Variants in COMMD1 observed in about 807,000 individuals in gnomAD.
COMMD1 encodes the protein COMM domain-containing protein 1.
COMMD1 carries 10 observed loss-of-function variants against 17.2 expected under a neutral mutation model. The ratio of observed to expected loss-of-function variants is 0.58; its 90% confidence interval spans 0.36 to 0.99. The LOEUF (loss-of-function observed/expected upper bound fraction) is 0.99. Among genes scored for constraint, COMMD1 ranks in the 50% least tolerant of loss-of-function variants. COMMD1 has a pLI of 0.01. For missense variants in COMMD1, 270 were observed against 231.8 expected (o/e 1.17, Z -1.07); for synonymous variants, 97 against 91.6 (o/e 1.06, Z -0.34).
At chr2:62,035,006 C>T (rs1181158817) in intron 2 of COMMD1, among the ~76,000 whole-genome samples, 1 of 152,132 alleles carries the variant, frequency 6.6e-6, no homozygotes, top group Non-Finnish European at 1.5e-5. Flanking sequence ...ATGTTTAATT[C>T]TTATGTTTCC....
At chr2:61,944,593 T>C (rs913708648) in intron 1 of COMMD1, among the ~76,000 whole-genome samples, 2 of 152,238 alleles carry the variant, frequency 1.3e-5, no homozygotes, top group South Asian at 2.1e-4. Context: ...CTCTTAACTT[T>C]GTAGCTCTCA....
upstream of COMMD1, among the ~76,000 whole-genome samples, chr2:61,903,591 C>A (rs1274126945): frequency 6.7e-6 from 1 of 149,588 alleles, no homozygotes; most frequent in East Asian, 2.0e-4. Flanking sequence ...TTGCTCTTGT[C>A]CCCAAGGCTA....
At position 62,102,760 on chromosome 2, in the gene COMMD1, G is replaced by A. The variant is rs536213533; in HGVS notation, c.463-33071G>A. Among the ~76,000 whole-genome samples, 8 of 152,202 alleles carry A rather than the reference G, an allele frequency of 5.3e-5. 1 individual carries two copies. The highest frequency in any genetic ancestry group is 1.9e-4 in the African/African-American group (8 of 41,504). On this transcript the variant is annotated intron_variant, in intron 2 of 2. Coordinates refer to ENST00000311832, the MANE Select transcript of COMMD1 (RefSeq NM_152516.4). ...CCCTCTGCCTTTGTGTGTAAAAACT[G>A]GCCATAAAGAAATTATCTGACCTCC...
intron 1 of COMMD1, among the ~76,000 whole-genome samples, chr2:61,976,206 A>G (rs1558544551): frequency 6.6e-6 from 1 of 151,954 alleles, no homozygotes; most frequent in Non-Finnish European, 1.5e-5. Context: ...ACTAAAAAAA[A>G]AAAAAGAAAA....
At chr2:62,132,232 C>A (rs1462985751) in intron 2 of COMMD1, among the ~76,000 whole-genome samples, 1 of 152,164 alleles carries the variant, frequency 6.6e-6, no homozygotes, top group East Asian at 1.9e-4. Flanking sequence ...TTTGGCATCC[C>A]TCAAAAATAA....
chr2:62,009,060 A>C (rs1573063877), intron 2 of COMMD1, among the ~76,000 whole-genome samples: 1 of 152,170 alleles, frequency 6.6e-6, no homozygotes, highest in African/African-American at 2.4e-5. Context: ...TTGGGATTAC[A>C]GGTGTGAGCC....
intron 1 of COMMD1, among the ~76,000 whole-genome samples, chr2:61,981,447 C>T (rs1671949780): frequency 6.6e-6 from 1 of 152,132 alleles, no homozygotes; most frequent in South Asian, 2.1e-4. Flanking sequence ...AAAATGAGTT[C>T]ACTGTACATG....
chr2:61,918,325 T>G (rs1670099666), intron 1 of COMMD1, among the ~76,000 whole-genome samples: 1 of 152,344 alleles, frequency 6.6e-6, no homozygotes, highest in East Asian at 1.9e-4. Flanking sequence ...TTTTGAGACT[T>G]TAGATGGTAA....
At chr2:61,989,234 G>A (rs763132947) in intron 1 of COMMD1, among the ~76,000 whole-genome samples, 1 of 152,110 alleles carries the variant, frequency 6.6e-6, no homozygotes, top group African/African-American at 2.4e-5. Context: ...GGCCTAGATG[G>A]TAATTTGTTA....
intron 2 of COMMD1, among the ~76,000 whole-genome samples, chr2:62,130,166 A>AC (rs1259467453): frequency 3.3e-5 from 5 of 151,676 alleles, no homozygotes; most frequent in African/African-American, 9.6e-5. Context: ...AAAAAAAAAA[A>AC]AAACAAACAA....
At chr2:61,962,507 G>T (rs1001581698) in intron 1 of COMMD1, among the ~76,000 whole-genome samples, 4 of 152,138 alleles carry the variant, frequency 2.6e-5, no homozygotes, top group African/African-American at 9.7e-5. Context: ...AGGAGTTGGG[G>T]CTTTCACCCA....
At chr2:62,005,669 G>A (rs2103817175) in intron 2 of COMMD1, among the ~76,000 whole-genome samples, 1 of 152,210 alleles carries the variant, frequency 6.6e-6, no homozygotes, top group African/African-American at 2.4e-5. Context: ...CAGTTAGAAT[G>A]GCAATCATTA....
chr2:61,919,088 C>T lies in COMMD1; in HGVS notation c.180+13230C>T, dbSNP rs927964046. Among the ~76,000 whole-genome samples, 10 of 151,974 alleles carry T rather than the reference C, an allele frequency of 6.6e-5. No homozygotes were observed. In the East Asian group the frequency reaches 7.7e-4, roughly 12 times the overall value. On this transcript the variant is annotated intron_variant, in intron 1 of 2. Transcript: ENST00000311832. ...GTGCAATGGTGTGATCTCGGCTCAC[C>T]GAAGACTCTGCCTCTCAGGTTTAAG...
chr2:62,013,637 G>A (rs1166694570), intron 2 of COMMD1, among the ~76,000 whole-genome samples: 1 of 152,202 alleles, frequency 6.6e-6, no homozygotes, highest in Non-Finnish European at 1.5e-5. Flanking sequence ...AGTGAAGTGA[G>A]CAGGTAGAGT....
chr2:61,935,326 C>G (rs1460066183), intron 1 of COMMD1, among the ~76,000 whole-genome samples: 1 of 152,184 alleles, frequency 6.6e-6, no homozygotes, highest in Non-Finnish European at 1.5e-5. Flanking sequence ...TTGTAGTTTT[C>G]TATTGAAACG....
intron 2 of COMMD1, among the ~76,000 whole-genome samples, chr2:62,133,089 A>C (rs1221153974): frequency 6.6e-6 from 1 of 152,234 alleles, no homozygotes; most frequent in African/African-American, 2.4e-5. Context: ...TTCTAAGCTC[A>C]CATATGAGAC....
Position 61,917,320 on chromosome 2 carries a change from GTACTCC to G in COMMD1, c.180+11463_180+11468del, listed in dbSNP as rs1670075760. Among the ~76,000 whole-genome samples, 3 of 150,486 alleles carry G rather than the reference GTACTCC, an allele frequency of 2.0e-5. No homozygotes were observed. The East Asian group carries it at 5.9e-4, about 30-fold the overall frequency. On this transcript the variant is annotated intron_variant, in intron 1 of 2. Coordinates refer to ENST00000311832, the MANE Select transcript of COMMD1 (RefSeq NM_152516.4). ...TGCAGTGAGCCGAGATTGTGCCACT[GTACTCC>G]AGCCTGGGAGACAGAGCCAGACTCC...
intron 2 of COMMD1, among the ~76,000 whole-genome samples, chr2:62,005,459 G>A (rs1669084429): frequency 6.6e-6 from 1 of 152,146 alleles, no homozygotes. Context: ...AAGCCAAAGG[G>A]CTAATATCCA....
chr2:62,020,620 G>A (rs756097275), intron 2 of COMMD1, among the ~76,000 whole-genome samples: 3 of 152,156 alleles, frequency 2.0e-5, no homozygotes, highest in Non-Finnish European at 2.9e-5. Flanking sequence ...TTAAACAAAA[G>A]TCACACCTAA....
Sources: gnomAD v4.1 joint callset for allele counts (sites outside exome capture counted in the v4.1 genomes callset) on GRCh38, gnomAD v4.1.1 for gene constraint, MANE v1.5 for transcripts, NCBI Gene and HGNC (gene_info 2026-07-23, HGNC 2026-07-21) for gene names.